RCAN1: variants seen among roughly 807,000 people sequenced by gnomAD.
RCAN1 encodes the protein calcipressin-1.
Under a neutral mutation model 22.9 loss-of-function variants are expected in RCAN1, and 11 were observed. That is an observed-to-expected ratio of 0.48 (90% CI 0.30 to 0.79). The LOEUF (loss-of-function observed/expected upper bound fraction) is 0.79, where lower values mean the gene tolerates loss of function less well. RCAN1 is among the 30% of genes least tolerant of loss of function. The probability of loss-of-function intolerance (pLI) is 0.06; values close to 1 mark genes in which losing one functional copy is unlikely to be tolerated. For synonymous variants in RCAN1, 136 were observed against 142.3 expected, an observed-to-expected ratio of 0.96 and a Z score of 0.32; for missense variants, 291 against 337.8, an observed-to-expected ratio of 0.86 and a Z score of 1.09.
chr21:34,558,247 G>T (rs1446954771), intron 1 of RCAN1, among the ~76,000 whole-genome samples: 2 of 152,162 alleles, frequency 1.3e-5, no homozygotes. Context: ...TGCAGCTGGG[G>T]TGCCCTGCTA....
intron 1 of RCAN1, among the ~76,000 whole-genome samples, chr21:34,573,790 C>T (rs1294854207): frequency 6.6e-6 from 1 of 152,248 alleles, no homozygotes; most frequent in Non-Finnish European, 1.5e-5. Context: ...AATTCTGCAT[C>T]TTCCTGCCTC....
At chr21:34,579,525 A>G (rs1987531666) in intron 1 of RCAN1, among the ~76,000 whole-genome samples, 1 of 152,162 alleles carries the variant, frequency 6.6e-6, no homozygotes, top group Non-Finnish European at 1.5e-5. Context: ...TAGATTTGGG[A>G]CCCACTGGAC....
chr21:34,591,461 C>G (rs950330562), intron 1 of RCAN1, among the ~76,000 whole-genome samples: 1 of 152,072 alleles, frequency 6.6e-6, no homozygotes, highest in Non-Finnish European at 1.5e-5. Context: ...AAGCATGGGC[C>G]CTGGGGGGGA....
At chr21:34,530,688 G>C (rs1985348604) in intron 1 of RCAN1, among the ~76,000 whole-genome samples, 1 of 137,644 alleles carries the variant, frequency 7.3e-6, no homozygotes, top group Non-Finnish European at 1.5e-5. Flanking sequence ...GCAATGGCGT[G>C]ATCTTGGCTC....
chr21:34,582,718 T>C (rs1365401885), intron 1 of RCAN1, among the ~76,000 whole-genome samples: 2 of 152,172 alleles, frequency 1.3e-5, no homozygotes, highest in Non-Finnish European at 1.5e-5. Flanking sequence ...GTTTGATTCA[T>C]GTTTTCAAAA....
At chr21:34,564,960 G>A (rs533340204) in intron 1 of RCAN1, among the ~76,000 whole-genome samples, 86 of 152,296 alleles carry the variant, frequency 5.6e-4, no homozygotes, top group African/African-American at 2.0e-3. Context: ...AGTGCTTCGG[G>A]AGGCCAAGAC....
At chr21:34,596,012 A>G (rs1203198610) in intron 1 of RCAN1, among the ~76,000 whole-genome samples, 1 of 152,216 alleles carries the variant, frequency 6.6e-6, no homozygotes, top group Non-Finnish European at 1.5e-5. Context: ...CTGCCCTTGA[A>G]GCAGGTAGAG....
At chr21:34,557,894 A>G (rs1042454918) in intron 1 of RCAN1, among the ~76,000 whole-genome samples, 3 of 152,202 alleles carry the variant, frequency 2.0e-5, no homozygotes, top group Admixed American at 2.0e-4. Context: ...TCTAGGAGAC[A>G]GGTACTATCA....
At chr21:34,597,474 G>A (rs957043073) in intron 1 of RCAN1, among the ~76,000 whole-genome samples, 8 of 152,128 alleles carry the variant, frequency 5.3e-5, no homozygotes, top group African/African-American at 1.4e-4. Context: ...CAGAACGTTC[G>A]GGAAGCTGCT....
At chr21:34,563,786 TATATATATAGAG>T (rs1986894696) in intron 1 of RCAN1, among the ~76,000 whole-genome samples, 3 of 100,816 alleles carry the variant, frequency 3.0e-5, no homozygotes, top group African/African-American at 1.2e-4. Flanking sequence ...TATATATATA[TATATATATAGAG>T]AGAGAGAGAG....
chr21:34,528,721 C>T, intron 1 of RCAN1, among the ~76,000 whole-genome samples: 1 of 152,194 alleles, frequency 6.6e-6, no homozygotes. Context: ...TTTGTCTCCC[C>T]CTTTTCTCTT....
At chr21:34,541,675 C>T (rs1287530730) in intron 1 of RCAN1, among the ~76,000 whole-genome samples, 2 of 152,196 alleles carry the variant, frequency 1.3e-5, no homozygotes, top group East Asian at 3.8e-4. Context: ...TGGCTCACGC[C>T]TGTAATGCCA....
intron 1 of RCAN1, among the ~76,000 whole-genome samples, chr21:34,610,492 G>A (rs2186285): frequency 0.7 from 105,939 of 152,034 alleles, 37,716 homozygotes; most frequent in East Asian, 0.9. Context: ...CCTGGCTCCC[G>A]GTTCAGGAAA....
chr21:34,573,014 G>A (rs886536756), intron 1 of RCAN1, among the ~76,000 whole-genome samples: 13 of 152,124 alleles, frequency 8.5e-5, no homozygotes, highest in African/African-American at 4.8e-5. Flanking sequence ...GATTTGGATG[G>A]GGACACAGAG....
chr21:34,557,903 C>T (rs766560948), intron 1 of RCAN1, among the ~76,000 whole-genome samples: 1 of 152,168 alleles, frequency 6.6e-6, no homozygotes, highest in Non-Finnish European at 1.5e-5. Context: ...CAGGTACTAT[C>T]ACTTTTTTAT....
At chr21:34,530,098 G>A (rs1280483174) in intron 1 of RCAN1, among the ~76,000 whole-genome samples, 3 of 152,080 alleles carry the variant, frequency 2.0e-5, no homozygotes, top group Admixed American at 6.6e-5. Context: ...GTGTGAAAAC[G>A]GACTAATATA....
intron 1 of RCAN1, among the ~76,000 whole-genome samples, chr21:34,544,427 C>G (rs908362828): frequency 2.6e-5 from 4 of 152,136 alleles, no homozygotes; most frequent in Non-Finnish European, 5.9e-5. Context: ...AGATTCTCCG[C>G]AAGAGTCTCC....
At chr21:34,569,714 G>C (rs909688075) in intron 1 of RCAN1, among the ~76,000 whole-genome samples, 4 of 152,252 alleles carry the variant, frequency 2.6e-5, no homozygotes, top group Non-Finnish European at 5.9e-5. Context: ...CACATCCTGT[G>C]TGCCAGCAAC....
Position 34,614,496 on chromosome 21 carries a change from C to G in RCAN1, c.252+264G>C. 1 of 1,040,594 alleles carries G rather than the reference C, an allele frequency of 9.6e-7. No homozygotes were observed. The highest frequency in any genetic ancestry group is 1.2e-6 in the Non-Finnish European group (1 of 866,504). The allele number at this position is 1,040,594 out of a possible 1,614,324, so 64.5% of individuals were successfully genotyped here. On this transcript the variant is annotated intron_variant, in intron 1 of 3. Coordinates refer to ENST00000313806, the MANE Select transcript of RCAN1 (RefSeq NM_004414.7). This position sits in a 1 kb window ranked among gnomAD's most constrained non-coding sequence, Gnocchi z 6.0. Reference sequence around the variant, plus strand: ...AGCGAATTCACCCCCCTAGTCGCACCAGCCTGGGCGCACACGGGGGCCGGG... The same window carrying G: ...AGCGAATTCACCCCCCTAGTCGCACGAGCCTGGGCGCACACGGGGGCCGGG...
Sources: gnomAD v4.1 joint callset for allele counts (sites outside exome capture counted in the v4.1 genomes callset) on GRCh38, gnomAD v4.1.1 for gene constraint, Gnocchi (gnomAD v3.1) non-coding constraint, MANE v1.5 for transcripts, NCBI Gene and HGNC (gene_info 2026-07-23, HGNC 2026-07-21) for gene names.